Variants in CLMP observed in about 807,000 individuals in gnomAD.
The protein encoded by CLMP is CXADR-like membrane protein.
In CLMP, 27 loss-of-function variants were observed where a neutral mutation model predicts 45.2. The ratio of observed to expected loss-of-function variants is 0.60; its 90% CI spans 0.44 to 0.82. The LOEUF is 0.82. Ranked by LOEUF, CLMP falls within the 40% of genes least tolerant of loss-of-function variation. The pLI is 0.00. For synonymous variants in CLMP, 167 were observed against 171.4 expected (o/e 0.97, Z 0.20); for missense variants, 403 against 448.4 (o/e 0.90, Z 0.91).
At chr11:123,191,537 T>A (rs939639825) in intron 1 of CLMP, 36 of 152,212 alleles carry the variant, frequency 2.4e-4, no homozygotes, top group African/African-American at 8.7e-4. Flanking sequence ...GCACACACGA[T>A]ATACAAAATA....
chr11:123,074,745 C>G lies in CLMP; in HGVS notation c.778G>C (p.Asp260His). 1 of 1,614,170 alleles carries G rather than the reference C, an allele frequency of 6.2e-7. No individual in the cohort carries two copies. Among genetic ancestry groups the G allele is most frequent in the South Asian group, 1.1e-5 (1 of 91,088 alleles). The change falls in exon 6 of 7, where the codon GAC (aspartate) becomes CAC (histidine). Residue 260 changes from aspartate to histidine, a missense_variant. Asp to His is a moderately conservative substitution (Grantham distance 81). Coordinates refer to ENST00000448775, the MANE Select transcript of CLMP (RefSeq NM_024769.5). ...TCTTCTTCCTCATATCTTTCTTTGTCTTTCCTTCGGATTAGCAGCCACACC... is the reference window on the plus strand; with the variant it reads ...TCTTCTTCCTCATATCTTTCTTTGTGTTTCCTTCGGATTAGCAGCCACACC... Reference protein sequence around the residue: ...LLVWLLIRRKDKERYEEEERP... With the variant: ...LLVWLLIRRKHKERYEEEERP...
intron 1 of CLMP, among the ~76,000 whole-genome samples, chr11:123,158,366 CTGTTTAA>C (rs1406164908): frequency 6.6e-6 from 1 of 152,192 alleles, no homozygotes; most frequent in Non-Finnish European, 1.5e-5. Context: ...CTGGAGAAGG[CTGTTTAA>C]TGGCTAGAAC....
chr11:123,152,736 C>A (rs960321720), intron 1 of CLMP, among the ~76,000 whole-genome samples: 1 of 152,012 alleles, frequency 6.6e-6, no homozygotes, highest in African/African-American at 2.4e-5. Flanking sequence ...AAAATACACC[C>A]CTCAAGGACA....
chr11:123,150,479 G>GAAAGAAAGAAAGAAAGAAAGAA lies in CLMP; in HGVS notation c.28+44433_28+44434insTTCTTTCTTTCTTTCTTTCTTT, dbSNP rs1555084536. ...AGAAAGAAAGAAAGAAAGAAAGAAA[G>GAAAGAAAGAAAGAAAGAAAGAA]AAAGGAAGGAAGGAAGGAAGGAAGG... On this transcript the variant is annotated intron_variant, in intron 1 of 6. Coordinates refer to ENST00000448775, the MANE Select transcript of CLMP (RefSeq NM_024769.5). Among the ~76,000 whole-genome samples, 220 of 106,594 alleles carry GAAAGAAAGAAAGAAAGAAAGAA rather than the reference G, an allele frequency of 2.1e-3. 3 individuals are homozygous for GAAAGAAAGAAAGAAAGAAAGAA. Among genetic ancestry groups the GAAAGAAAGAAAGAAAGAAAGAA allele is most frequent in the Non-Finnish European group, 3.5e-3 (171 of 49,276 alleles). 69.9% of individuals were successfully genotyped at this position (106,594 alleles called of 152,430 possible).
At position 123,073,577 on chromosome 11, in the gene CLMP, A is replaced by G; in HGVS notation, c.1019T>C (p.Val340Ala). 1 of 1,614,002 alleles carries G rather than the reference A, an allele frequency of 6.2e-7. No homozygotes were observed. The highest frequency in any genetic ancestry group is 1.1e-5 in the South Asian group (1 of 91,068). The stretch of plus-strand genomic sequence containing the variant: ...GACTTTCTTTGGTTCAGAACCTCTC[A>G]CCTCTGGCCCCACTAGGCTGTATGC... The part of the protein sequence containing the change: ...TQAYSLVGPE[V>A]RGSEPKKVHH... Residue 340 changes from valine (V) to alanine (A), a missense_variant, in exon 7 of 7, where the codon GTG becomes GCG. Transcript: ENST00000448775.
chr11:123,134,239 G>A (rs1255202598), intron 1 of CLMP, among the ~76,000 whole-genome samples: 5 of 150,302 alleles, frequency 3.3e-5, no homozygotes, highest in South Asian at 2.1e-4. Flanking sequence ...CAGCCTGGGC[G>A]ACAGTGAGAC....
intron 1 of CLMP, among the ~76,000 whole-genome samples, chr11:123,158,682 C>T (rs544308076): frequency 6.6e-6 from 1 of 152,292 alleles, no homozygotes; most frequent in African/African-American, 2.4e-5. Context: ...AACTGTTGTC[C>T]TTATGCTGTG....
At chr11:123,077,812 T>C (rs1427567542) in intron 5 of CLMP, among the ~76,000 whole-genome samples, 1 of 152,146 alleles carries the variant, frequency 6.6e-6, no homozygotes, top group Non-Finnish European at 1.5e-5. Context: ...TTTTTCACAA[T>C]GGAAAATAAT....
intron 2 of CLMP, among the ~76,000 whole-genome samples, chr11:123,089,789 A>AAAAG (rs1865907794): frequency 7.3e-6 from 1 of 137,434 alleles, no homozygotes; most frequent in Non-Finnish European, 1.5e-5. Context: ...AAAAAAAAAA[A>AAAAG]AAAAGAAAAA....
chr11:123,091,629 A>G (rs1044520918), intron 2 of CLMP, among the ~76,000 whole-genome samples: 5 of 152,130 alleles, frequency 3.3e-5, no homozygotes, highest in Non-Finnish European at 7.4e-5. Flanking sequence ...ATATGTTTAT[A>G]TTTCTAGCTT....
chr11:123,101,682 T>G (rs780902283), intron 1 of CLMP, among the ~76,000 whole-genome samples: 2 of 152,228 alleles, frequency 1.3e-5, no homozygotes, highest in Non-Finnish European at 2.9e-5. Context: ...TCCCTGGATC[T>G]TCCCTTTCCC....
At chr11:123,142,053 C>T (rs538397094) in intron 1 of CLMP, among the ~76,000 whole-genome samples, 18 of 149,132 alleles carry the variant, frequency 1.2e-4, no homozygotes, top group Middle Eastern at 3.5e-3. Context: ...GGTGTGAGCA[C>T]GGCCCACTGG....
rs11218952 is a variant in CLMP, at chr11:123,073,134, C to A, written c.*340G>T. On this transcript the variant is annotated 3_prime_UTR_variant, in exon 7 of 7. Coordinates refer to ENST00000448775, the MANE Select transcript of CLMP (RefSeq NM_024769.5). ...AAAATTGTGAATCAAAGCACTGATA[C>A]AAAATATCCCACATTAAAAGTTTTA... The A allele has an allele frequency of 3.3e-4, 65 of 195,088 alleles. No individual in the cohort carries two copies. Among genetic ancestry groups the A allele is most frequent in the Non-Finnish European group, 6.2e-4 (60 of 96,056 alleles). 12.1% of individuals were successfully genotyped at this position (195,088 alleles called of 1,614,324 possible). A position where few individuals can be genotyped will look rare whatever the true frequency, so the allele number is the denominator to read the frequency against.
chr11:123,106,846 C>A (rs1326301864), intron 1 of CLMP, among the ~76,000 whole-genome samples: 1 of 151,742 alleles, frequency 6.6e-6, no homozygotes, highest in Non-Finnish European at 1.5e-5. Flanking sequence ...CAGTGAAACC[C>A]CGTCTCTACT....
intron 1 of CLMP, among the ~76,000 whole-genome samples, chr11:123,163,524 A>C (rs947168677): frequency 5.3e-5 from 8 of 152,214 alleles, no homozygotes; most frequent in African/African-American, 1.9e-4. Flanking sequence ...CTTGCTACTC[A>C]AAGCGTGGCC....
chr11:123,106,410 T>C (rs1860552010), intron 1 of CLMP, among the ~76,000 whole-genome samples: 1 of 125,286 alleles, frequency 8.0e-6, no homozygotes, highest in African/African-American at 2.9e-5. Context: ...TGTGTGTGTG[T>C]GTGTGTGTGT....
At chr11:123,163,769 A>T (rs1043963892) in intron 1 of CLMP, among the ~76,000 whole-genome samples, 1 of 152,196 alleles carries the variant, frequency 6.6e-6, no homozygotes, top group African/African-American at 2.4e-5. Context: ...GTAGAGTCAG[A>T]ATTAATTTGC....
chr11:123,184,849 T>C (rs1173847152), intron 1 of CLMP, among the ~76,000 whole-genome samples: 1 of 152,226 alleles, frequency 6.6e-6, no homozygotes, highest in African/African-American at 2.4e-5. Flanking sequence ...GAATCTAACA[T>C]GTGCCAGCCG....
At chr11:123,181,153 C>T (rs73612489) in intron 1 of CLMP, among the ~76,000 whole-genome samples, 5,486 of 152,304 alleles carry the variant, frequency 0.036, 295 homozygotes, top group African/African-American at 0.12. Flanking sequence ...TTCTCCCTTC[C>T]AGTCTATCTT....
Sources: allele counts gnomAD v4.1 joint callset (sites outside exome capture counted in the v4.1 genomes callset), GRCh38; gene constraint gnomAD v4.1.1; transcripts MANE v1.5; gene names NCBI Gene and HGNC (gene_info 2026-07-23, HGNC 2026-07-21).